OSBPL9: variants seen among roughly 807,000 people sequenced by gnomAD.
The protein encoded by OSBPL9 is oxysterol-binding protein-related protein 9.
A neutral mutation model predicts 106.6 loss-of-function variants in OSBPL9; 40 were observed. The observed-to-expected ratio is 0.38, with a 90% CI of 0.29 to 0.49. The LOEUF (loss-of-function observed/expected upper bound fraction) is 0.49, where lower values mean the gene tolerates loss of function less well. Ranked by LOEUF, OSBPL9 falls within the 20% of genes least tolerant of loss-of-function variation. The pLI is 0.97. For synonymous variants in OSBPL9, 269 were observed against 295.4 expected, an observed-to-expected ratio of 0.91 and a Z score of 0.92; for missense variants, 609 against 887.2, an observed-to-expected ratio of 0.69 and a Z score of 3.98.
At chr1:51,569,174 G>A in the OSBPL9 span, among the ~76,000 whole-genome samples, 1 of 152,144 alleles carries the variant, frequency 6.6e-6, no homozygotes, top group Non-Finnish European at 1.5e-5. Context: ...GCTAAAAAAA[G>A]GTCACTTCCT....
At chr1:51,616,983 A>T (rs1644075140), upstream of OSBPL9, 6 of 1,484,570 alleles carry the variant, frequency 4.0e-6, no homozygotes, top group Admixed American at 4.4e-5. Flanking sequence ...TGATCGCTGG[A>T]GCATCTGCCG....
intron 11 of OSBPL9, among the ~76,000 whole-genome samples, chr1:51,763,543 A>AT (rs1671965887): frequency 1.3e-5 from 2 of 152,206 alleles, no homozygotes; most frequent in East Asian, 1.9e-4. Flanking sequence ...TCATCCTCAG[A>AT]TTTTTTTCCC....
At chr1:51,732,042 G>A (rs1664581013) in intron 4 of OSBPL9, among the ~76,000 whole-genome samples, 1 of 152,168 alleles carries the variant, frequency 6.6e-6, no homozygotes, top group South Asian at 2.1e-4. Context: ...TTTTTAATGT[G>A]AAAAGATTAT....
chr1:51,572,472 C>T (rs770258931), upstream of OSBPL9, among the ~76,000 whole-genome samples: 2 of 152,142 alleles, frequency 1.3e-5, no homozygotes, highest in African/African-American at 2.4e-5. Context: ...CTGTCTGCTC[C>T]TCTCTCCGTC....
the OSBPL9 span, chr1:51,567,454 A>T: frequency 6.6e-6 from 1 of 152,146 alleles, no homozygotes; most frequent in East Asian, 1.9e-4. Flanking sequence ...CTGACTACCC[A>T]TCCCCATTTC....
At chr1:51,673,129 A>G (rs532583915) in intron 3 of OSBPL9, among the ~76,000 whole-genome samples, 17 of 152,332 alleles carry the variant, frequency 1.1e-4, no homozygotes, top group Non-Finnish European at 1.2e-4. Flanking sequence ...AGAAGAAGCA[A>G]CCAAAAAGGA....
chr1:51,750,241 A>T, intron 8 of OSBPL9, 46 bp downstream of exon 8: 1 of 1,414,040 alleles, frequency 7.1e-7, no homozygotes, highest in Non-Finnish European at 9.8e-7. Flanking sequence ...GGAGTTCAAA[A>T]ATTATAATGG....
intron 2 of OSBPL9, among the ~76,000 whole-genome samples, chr1:51,667,505 C>T (rs1029542750): frequency 6.6e-6 from 1 of 152,148 alleles, no homozygotes; most frequent in Non-Finnish European, 1.5e-5. Flanking sequence ...ACTTAGCATA[C>T]TGTTTTCAAG....
chr1:51,639,755 A>C (rs1343794717), intron 1 of OSBPL9, among the ~76,000 whole-genome samples: 2 of 151,548 alleles, frequency 1.3e-5, no homozygotes, highest in Non-Finnish European at 2.9e-5. Context: ...GCAAAGTAAA[A>C]TTAACATTCA....
chr1:51,617,318 T>C (rs1644106899), intron 1 of OSBPL9, 97 bp downstream of exon 1: 1 of 1,263,982 alleles, frequency 7.9e-7, no homozygotes, highest in Non-Finnish European at 1.1e-6. Flanking sequence ...TTGAGGTTGC[T>C]AGTCTGGGGG....
At chr1:51,567,651 G>C in the OSBPL9 span, 3 of 152,208 alleles carry the variant, frequency 2.0e-5, no homozygotes, top group Admixed American at 2.0e-4. Flanking sequence ...GTAAAATGGA[G>C]ATGACAGTAT....
At chr1:51,737,707 A>T (rs1311082232) in intron 4 of OSBPL9, among the ~76,000 whole-genome samples, 1 of 152,022 alleles carries the variant, frequency 6.6e-6, no homozygotes, top group Admixed American at 6.6e-5. Flanking sequence ...ACTGCATTGA[A>T]TTCCAGTGTC....
At chr1:51,693,389 A>AG (rs941500504) in intron 3 of OSBPL9, among the ~76,000 whole-genome samples, 13 of 151,594 alleles carry the variant, frequency 8.6e-5, no homozygotes, top group South Asian at 2.1e-4. Flanking sequence ...AAAAAAAAAA[A>AG]AGAGAGAGAG....
the OSBPL9 span, among the ~76,000 whole-genome samples, chr1:51,557,311 T>A: frequency 6.6e-6 from 1 of 152,264 alleles, no homozygotes; most frequent in Non-Finnish European, 1.5e-5. Context: ...AATTGGTTTT[T>A]AAAATTCCTT....
intron 4 of OSBPL9, among the ~76,000 whole-genome samples, chr1:51,722,755 C>A (rs547023408): frequency 6.6e-6 from 1 of 152,306 alleles, no homozygotes; most frequent in East Asian, 1.9e-4. Context: ...CTGCTTCTAC[C>A]GTATACATGC....
At chr1:51,605,415 AC>A (rs980228417) in intron 2 of OSBPL9, among the ~76,000 whole-genome samples, 1 of 152,124 alleles carries the variant, frequency 6.6e-6, no homozygotes, top group Non-Finnish European at 1.5e-5. Context: ...ACATAGTGAG[AC>A]CCCATTCCAA....
intron 1 of OSBPL9, among the ~76,000 whole-genome samples, chr1:51,625,597 C>T (rs542749814): frequency 5.5e-4 from 84 of 151,594 alleles, no homozygotes; most frequent in Admixed American, 1.1e-3. Flanking sequence ...TTTGGCTCAC[C>T]GCAACGTCCA....
intron 14 of OSBPL9, among the ~76,000 whole-genome samples, chr1:51,775,192 C>G (rs1674774623): frequency 1.3e-5 from 2 of 152,112 alleles, no homozygotes; most frequent in African/African-American, 4.8e-5. Flanking sequence ...TGCTGAGAGT[C>G]TGATAATAGA....
the OSBPL9 span, among the ~76,000 whole-genome samples, chr1:51,566,997 G>T: frequency 6.6e-6 from 1 of 152,118 alleles, no homozygotes; most frequent in African/African-American, 2.4e-5. Flanking sequence ...GCTTTTCTAG[G>T]CTCGGTTCCT....
Sources: gnomAD v4.1 joint callset for allele counts (sites outside exome capture counted in the v4.1 genomes callset) on GRCh38, gnomAD v4.1.1 for gene constraint, MANE v1.5 for transcripts, NCBI Gene and HGNC (gene_info 2026-07-23, HGNC 2026-07-21) for gene names.